Variants in MAD1L1 observed in about 807,000 individuals in gnomAD.
The protein encoded by MAD1L1 is mitotic spindle assembly checkpoint protein MAD1.
MAD1L1 carries 95 observed loss-of-function variants against 96.9 expected under a neutral mutation model. That is an observed-to-expected ratio of 0.98 (90% CI 0.83 to 1.16). The LOEUF (loss-of-function observed/expected upper bound fraction) is 1.16, where lower values mean the gene tolerates loss of function less well. Among genes scored for constraint, MAD1L1 ranks in the 50% most tolerant of loss-of-function variants. The probability of loss-of-function intolerance (pLI) is 0.00; values close to 1 mark genes in which losing one functional copy is unlikely to be tolerated. For synonymous variants in MAD1L1, 473 were observed against 396.6 expected (o/e 1.19, Z -2.29); for missense variants, 1,007 against 954.4 (o/e 1.06, Z -0.73).
At chr7:2,198,620 A>T (rs946901017) in intron 10 of MAD1L1, among the ~76,000 whole-genome samples, 5 of 152,050 alleles carry the variant, frequency 3.3e-5, no homozygotes, top group African/African-American at 1.2e-4. Context: ...CATGGAACAC[A>T]CACTTCAGGC....
chr7:2,175,517 A>AC (rs1325214462), intron 10 of MAD1L1: 3 of 138,920 alleles, frequency 2.2e-5, no homozygotes, highest in African/African-American at 9.0e-5. Context: ...AAAAAAAAAA[A>AC]CCCACCACAC....
At chr7:1,876,331 C>A (rs1429747290) in intron 18 of MAD1L1, among the ~76,000 whole-genome samples, 9 of 152,058 alleles carry the variant, frequency 5.9e-5, no homozygotes, top group Non-Finnish European at 1.3e-4. Context: ...CCCGTCTGGT[C>A]CAACACCAGG....
intron 18 of MAD1L1, among the ~76,000 whole-genome samples, chr7:1,885,990 C>T (rs1785995691): frequency 6.6e-6 from 1 of 152,278 alleles, no homozygotes; most frequent in South Asian, 2.1e-4. Flanking sequence ...TCCTCTCCTC[C>T]ACCAGGTCCT....
At chr7:1,869,921 G>T (rs1157692543) in intron 18 of MAD1L1, among the ~76,000 whole-genome samples, 1 of 152,162 alleles carries the variant, frequency 6.6e-6, no homozygotes, top group Non-Finnish European at 1.5e-5. Context: ...AGCCCAGGAA[G>T]CAACGGGGTC....
intron 10 of MAD1L1, among the ~76,000 whole-genome samples, chr7:2,173,451 T>C (rs1186841530): frequency 1.3e-5 from 2 of 152,228 alleles, no homozygotes; most frequent in Admixed American, 1.3e-4. Flanking sequence ...TCCTTCCTAC[T>C]TTGTGCTTCC....
intron 17 of MAD1L1, among the ~76,000 whole-genome samples, chr7:1,908,165 C>T (rs994241273): frequency 6.6e-6 from 1 of 152,216 alleles, no homozygotes; most frequent in African/African-American, 2.4e-5. Flanking sequence ...CAAGTCTGTC[C>T]AGGCTGCTGC....
intron 14 of MAD1L1, among the ~76,000 whole-genome samples, chr7:1,987,395 CGT>C (rs1180746958): frequency 6.6e-6 from 1 of 152,158 alleles, no homozygotes; most frequent in Admixed American, 6.5e-5. Context: ...GCACGTCCAG[CGT>C]GTGTGCGGCC....
chr7:1,855,112 G>A (rs1052780451), intron 18 of MAD1L1, among the ~76,000 whole-genome samples: 4 of 152,150 alleles, frequency 2.6e-5, no homozygotes, highest in African/African-American at 7.2e-5. Flanking sequence ...GTGAAGAGCC[G>A]CGCGTGTTTG....
At chr7:2,113,412 T>G (rs1354345727) in intron 11 of MAD1L1, among the ~76,000 whole-genome samples, 1 of 152,032 alleles carries the variant, frequency 6.6e-6, no homozygotes, top group East Asian at 1.9e-4. Context: ...AAACCCCCTC[T>G]CTACTAAAAA....
intron 17 of MAD1L1, among the ~76,000 whole-genome samples, chr7:1,919,782 A>G (rs762509738): frequency 1.1e-4 from 16 of 152,226 alleles, no homozygotes; most frequent in Non-Finnish European, 2.1e-4. Context: ...CCAAGTCCAA[A>G]ACAGCTGACA....
intron 18 of MAD1L1, among the ~76,000 whole-genome samples, chr7:1,827,983 G>C (rs1325711181): frequency 2.6e-5 from 4 of 152,160 alleles, no homozygotes; most frequent in Non-Finnish European, 5.9e-5. Flanking sequence ...TGATGCTGGG[G>C]ATGCGGGGTG....
At chr7:1,980,681 G>A (rs1450771431) in intron 14 of MAD1L1, 140 bp from the exon 15 acceptor site, 2 of 728,610 alleles carry the variant, frequency 2.7e-6, no homozygotes, top group Non-Finnish European at 2.5e-6. Flanking sequence ...CTCTCTCCTG[G>A]AAGCCTGAAG....
At chr7:2,029,724 G>C (rs1377845086) in intron 12 of MAD1L1, among the ~76,000 whole-genome samples, 1 of 152,068 alleles carries the variant, frequency 6.6e-6, no homozygotes, top group Non-Finnish European at 1.5e-5. Flanking sequence ...TCTGGCAGTG[G>C]GAGAGCAAGG....
At chr7:2,218,194 C>G in intron 6 of MAD1L1, 151 bp from the exon 7 acceptor site, 1 of 634,706 alleles carries the variant, frequency 1.6e-6, no homozygotes, top group Non-Finnish European at 2.8e-6. Flanking sequence ...CCCCCGCCCC[C>G]CGCCAACACA....
At chr7:2,155,619 T>C (rs1789793508) in intron 10 of MAD1L1, among the ~76,000 whole-genome samples, 1 of 152,340 alleles carries the variant, frequency 6.6e-6, no homozygotes, top group African/African-American at 2.4e-5. Flanking sequence ...CTCATCCATG[T>C]TACAGCATGT....
At chr7:2,111,480 G>A (rs1036235993) in intron 11 of MAD1L1, among the ~76,000 whole-genome samples, 14 of 152,250 alleles carry the variant, frequency 9.2e-5, no homozygotes, top group African/African-American at 3.1e-4. Context: ...AATGAAAAAG[G>A]AGGAAGGGAG....
chr7:1,913,409 G>A (rs1396694043), intron 17 of MAD1L1, among the ~76,000 whole-genome samples: 3 of 151,510 alleles, frequency 2.0e-5, no homozygotes, highest in Non-Finnish European at 2.9e-5. Flanking sequence ...CTCTGCATGA[G>A]GAGGAATCCG....
chr7:2,202,520 C>T (rs1290191712), intron 10 of MAD1L1, among the ~76,000 whole-genome samples: 1 of 152,186 alleles, frequency 6.6e-6, no homozygotes, highest in Non-Finnish European at 1.5e-5. Context: ...AATGAACAAA[C>T]GAAAAGGGGA....
chr7:2,105,187 T>G (rs6974873), intron 11 of MAD1L1, among the ~76,000 whole-genome samples: 3 of 152,008 alleles, frequency 2.0e-5, no homozygotes, highest in Non-Finnish European at 4.4e-5. Context: ...CTTGGGGATA[T>G]TCCAGTGAGC....
Sources: allele counts gnomAD v4.1 joint callset (sites outside exome capture counted in the v4.1 genomes callset), GRCh38; gene constraint gnomAD v4.1.1; transcripts MANE v1.5; gene names NCBI Gene and HGNC (gene_info 2026-07-23, HGNC 2026-07-21).